Variants in PLCL1 observed in about 807,000 individuals in gnomAD.
The protein encoded by PLCL1 is inactive phospholipase C-like protein 1.
Under a neutral mutation model 84.4 loss-of-function variants are expected in PLCL1, and 41 were observed. That is an observed-to-expected ratio of 0.49 (90% CI 0.38 to 0.63). The LOEUF (loss-of-function observed/expected upper bound fraction) is 0.63. Among genes scored for constraint, PLCL1 ranks in the 30% least tolerant of loss-of-function variants. The pLI is 0.00. For synonymous variants in PLCL1, 490 were observed against 488.3 expected (o/e 1.00, Z -0.05); for missense variants, 1,206 against 1,367.8 (o/e 0.88, Z 1.87).
chr2:198,118,023 T>A (rs909768713), intron 5 of PLCL1, among the ~76,000 whole-genome samples: 2 of 151,942 alleles, frequency 1.3e-5, no homozygotes, highest in African/African-American at 4.8e-5. Context: ...AACAACTCAC[T>A]TATTAAACCC....
At chr2:198,072,040 C>T (rs1412353878) in intron 1 of PLCL1, among the ~76,000 whole-genome samples, 2 of 151,810 alleles carry the variant, frequency 1.3e-5, no homozygotes, top group Non-Finnish European at 3.0e-5. Context: ...TTGGGCTTTT[C>T]ATTACAATTT....
chr2:197,928,080 A>G (rs1330773166), intron 1 of PLCL1, among the ~76,000 whole-genome samples: 1 of 152,132 alleles, frequency 6.6e-6, no homozygotes, highest in Non-Finnish European at 1.5e-5. Flanking sequence ...TCTAGTCATT[A>G]TATGCATATA....
intron 1 of PLCL1, among the ~76,000 whole-genome samples, chr2:198,082,261 C>G (rs899300543): frequency 6.6e-6 from 1 of 152,072 alleles, no homozygotes; most frequent in Non-Finnish European, 1.5e-5. Flanking sequence ...GTGACTCACT[C>G]AAGGTGATAT....
intron 1 of PLCL1, among the ~76,000 whole-genome samples, chr2:198,018,915 G>C (rs543312210): frequency 6.6e-6 from 1 of 152,342 alleles, no homozygotes; most frequent in East Asian, 1.9e-4. Context: ...ATGGGTCCCT[G>C]ACCCTTGTGC....
At chr2:197,998,397 C>A (rs1690519836) in intron 1 of PLCL1, among the ~76,000 whole-genome samples, 1 of 151,974 alleles carries the variant, frequency 6.6e-6, no homozygotes, top group Admixed American at 6.6e-5. Flanking sequence ...ATCATGAGTG[C>A]TAAATGTGTG....
chr2:197,995,605 C>G (rs1205939087), intron 1 of PLCL1, among the ~76,000 whole-genome samples: 1 of 151,992 alleles, frequency 6.6e-6, no homozygotes, highest in African/African-American at 2.4e-5. Context: ...GGGCGGAGAG[C>G]ACAGCATGGG....
intron 1 of PLCL1, among the ~76,000 whole-genome samples, chr2:197,950,884 G>T (rs997394282): frequency 2.0e-5 from 3 of 152,076 alleles, no homozygotes; most frequent in African/African-American, 7.2e-5. Flanking sequence ...TGCAAAAACT[G>T]CTTAGGTTAT....
intron 1 of PLCL1, among the ~76,000 whole-genome samples, chr2:197,866,988 G>A (rs1238017859): frequency 1.3e-5 from 2 of 152,116 alleles, no homozygotes; most frequent in East Asian, 1.9e-4. Context: ...GATCAATGAC[G>A]CACACTAATG....
chr2:197,877,714 C>T (rs760424433), intron 1 of PLCL1, among the ~76,000 whole-genome samples: 5 of 151,992 alleles, frequency 3.3e-5, no homozygotes, highest in South Asian at 2.1e-4. Flanking sequence ...AGGAAATGAA[C>T]GCAAGTCCAC....
At chr2:198,105,601 G>GGT (rs72103336) in intron 5 of PLCL1, among the ~76,000 whole-genome samples, 5,993 of 143,722 alleles carry the variant, frequency 0.042, 221 homozygotes, top group African/African-American at 0.1. Context: ...TAATTTGCCT[G>GGT]GTGTGTGTGT....
chr2:197,879,612 A>C (rs1687792904), intron 1 of PLCL1, among the ~76,000 whole-genome samples: 1 of 152,138 alleles, frequency 6.6e-6, no homozygotes, highest in African/African-American at 2.4e-5. Context: ...AATTTAATAG[A>C]TTTGGGTTGT....
rs2105896957 is a variant in PLCL1, at chr2:198,084,516, T to A, written c.999T>A (p.Asn333Lys). 6.2e-7 allele frequency: 1 copy of A among 1,614,138 alleles called. No homozygotes were observed. The highest frequency in any genetic ancestry group is 8.5e-7 in the Non-Finnish European group (1 of 1,179,972). The change falls in exon 2 of 6, where the codon AAT (asparagine) becomes AAA (lysine). Residue 333 changes from asparagine to lysine, a missense_variant. Coordinates refer to ENST00000428675, the MANE Select transcript of PLCL1 (RefSeq NM_006226.4). The part of the protein sequence containing the change: ...ISKNKEYLDA[N>K]DLMLFLEAEQ... ...AAAACAAAGAATATTTGGATGCCAA[T>A]GATCTCATGCTCTTTTTAGAAGCTG...
Position 197,959,230 on chromosome 2 carries a change from G to A in PLCL1, c.241-124528G>A, listed in dbSNP as rs553213064. On this transcript the variant is annotated intron_variant, in intron 1 of 5. Coordinates refer to ENST00000428675, the MANE Select transcript of PLCL1 (RefSeq NM_006226.4). The stretch of plus-strand genomic sequence containing the variant: ...GGCTCATGATTATGGATGTTGGTGA[G>A]TTCAAAATCTGTAGTGTTGACTGGC... Among the ~76,000 whole-genome samples the A allele has an allele frequency of 1.1e-4, 17 of 152,178 alleles. No homozygotes were observed. The South Asian group carries it at 3.3e-3, about 30-fold the overall frequency.
chr2:197,943,627 C>CTTTT (rs5837573), intron 1 of PLCL1, among the ~76,000 whole-genome samples: 35 of 119,154 alleles, frequency 2.9e-4, no homozygotes, highest in Admixed American at 4.4e-4. Context: ...TTGGTTACAT[C>CTTTT]TTTTTTTTTT....
intron 1 of PLCL1, among the ~76,000 whole-genome samples, chr2:197,972,445 A>C (rs934251860): frequency 6.6e-6 from 1 of 152,206 alleles, no homozygotes; most frequent in South Asian, 2.1e-4. Context: ...GTTGAGTTCA[A>C]TTACATGTCT....
chr2:198,086,688 G>A (rs1182414254), intron 2 of PLCL1, among the ~76,000 whole-genome samples: 1 of 152,162 alleles, frequency 6.6e-6, no homozygotes, highest in Non-Finnish European at 1.5e-5. Flanking sequence ...TATTGTCTGT[G>A]ATAAAACAGA....
intron 5 of PLCL1, among the ~76,000 whole-genome samples, chr2:198,107,306 G>A (rs1420391870): frequency 6.6e-6 from 1 of 151,808 alleles, no homozygotes; most frequent in Non-Finnish European, 1.5e-5. Context: ...CCTACAACAC[G>A]TGGGGATTGT....
chr2:197,873,137 T>C (rs972600050), intron 1 of PLCL1, among the ~76,000 whole-genome samples: 1 of 152,200 alleles, frequency 6.6e-6, no homozygotes, highest in African/African-American at 2.4e-5. Context: ...TTTTATAATA[T>C]AATTATTCAA....
chr2:198,026,546 A>G (rs1422829262), intron 1 of PLCL1, among the ~76,000 whole-genome samples: 1 of 152,202 alleles, frequency 6.6e-6, no homozygotes, highest in Non-Finnish European at 1.5e-5. Flanking sequence ...TAGATTGTAA[A>G]TTGTTAACAT....
Sources: gnomAD v4.1 joint callset for allele counts (sites outside exome capture counted in the v4.1 genomes callset) on GRCh38, gnomAD v4.1.1 for gene constraint, MANE v1.5 for transcripts, NCBI Gene and HGNC (gene_info 2026-07-23, HGNC 2026-07-21) for gene names.